Variants in DUS2 observed in about 807,000 individuals in gnomAD.
DUS2 encodes tRNA-dihydrouridine(20) synthase [NAD(P)+]-like.
In DUS2, 52 loss-of-function variants were observed where a neutral mutation model predicts 71.3. The observed-to-expected ratio is 0.73, with a 90% CI of 0.58 to 0.92. DUS2 has a LOEUF of 0.92. Among genes scored for constraint, DUS2 ranks in the 40% least tolerant of loss-of-function variants. The pLI is 0.00. For missense variants in DUS2, 558 were observed against 622.6 expected, an observed-to-expected ratio of 0.90 and a Z score of 1.10; for synonymous variants, 204 against 227.8, an observed-to-expected ratio of 0.90 and a Z score of 0.94.
chr16:68,069,114 C>T (rs565856795), intron 10 of DUS2, among the ~76,000 whole-genome samples: 7 of 152,044 alleles, frequency 4.6e-5, no homozygotes, highest in African/African-American at 1.7e-4. Flanking sequence ...GGGGCCCGGG[C>T]GCGGTGGCTA....
chr16:68,040,039 G>A (rs1008167432), intron 3 of DUS2, among the ~76,000 whole-genome samples: 2 of 152,012 alleles, frequency 1.3e-5, no homozygotes, highest in African/African-American at 4.8e-5. Context: ...GGGGGATTTG[G>A]CGTGATGGGT....
At chr16:68,071,173 C>G in intron 12 of DUS2, 65 bp downstream of exon 12, 1 of 1,565,434 alleles carries the variant, frequency 6.4e-7, no homozygotes, top group East Asian at 2.3e-5. Flanking sequence ...GCAGAGAGCA[C>G]TTTGTGTGAG....
In DUS2 at chr16:68,049,521, A is replaced by G; in HGVS notation, c.143A>G (p.Lys48Arg). The change falls in exon 4 of 17, where the codon AAG becomes AGG. Residue 48 changes from lysine to arginine, a missense_variant. By Grantham distance (26) the Lys-to-Arg change is conservative (BLOSUM62 2). Coordinates refer to ENST00000565263, the MANE Select transcript of DUS2 (RefSeq NM_017803.5). Reference sequence around the variant, plus strand: ...CCTCTGCAGGAGCTGATCGACCTCAAGATGATTCAGTGCAAGAGAGTTGTT... The same window carrying G: ...CCTCTGCAGGAGCTGATCGACCTCAGGATGATTCAGTGCAAGAGAGTTGTT... Reference protein sequence around the residue: ...IVYCEELIDLKMIQCKRVVNE... With the variant: ...IVYCEELIDLRMIQCKRVVNE... 2.5e-6 allele frequency: 4 copies of G among 1,614,216 alleles called. No individual in the cohort carries two copies. Among genetic ancestry groups the G allele is most frequent in the East Asian group, 2.2e-5 (1 of 44,894 alleles).
At chr16:68,064,339 G>T (rs1394810269) in intron 8 of DUS2, among the ~76,000 whole-genome samples, 6 of 152,196 alleles carry the variant, frequency 3.9e-5, no homozygotes, top group African/African-American at 1.4e-4. Context: ...TTTCCCCTCA[G>T]TGTGACCCTT....
intron 14 of DUS2, 28 bp downstream of exon 14, chr16:68,075,532 G>C: frequency 4.4e-6 from 7 of 1,599,766 alleles, no homozygotes; most frequent in Non-Finnish European, 6.0e-6. Context: ...CCTCAGCTTG[G>C]GCTAGGGCCA....
rs1370141747 is a variant in DUS2 at position 68,046,728 on chromosome 16, TA to T, written c.127-2775del. Among the ~76,000 whole-genome samples the T allele has an allele frequency of 2.6e-5, 4 of 152,288 alleles. 1 individual carries two copies. The East Asian group carries it at 7.7e-4, about 29-fold the overall frequency. On this transcript the variant is annotated intron_variant, in intron 3 of 16. Transcript: ENST00000565263. ...CTTTTTATTTCTTTAAGGTCAGAAG[TA>T]ACGTTTTCTCTCTCATTCTGATTTT...
intron 8 of DUS2, among the ~76,000 whole-genome samples, chr16:68,061,928 G>T (rs1196100716): frequency 6.6e-6 from 1 of 152,222 alleles, no homozygotes; most frequent in Non-Finnish European, 1.5e-5. Flanking sequence ...GACATAGGAA[G>T]ACCACTGTGC....
rs1411950843 is a variant in DUS2 at position 68,025,491 on chromosome 16, A to G, written c.-22A>G. The G allele has an allele frequency of 1.3e-5, 2 of 152,242 alleles. No individual in the cohort carries two copies. The highest frequency in any genetic ancestry group is 2.9e-5 in the Non-Finnish European group (2 of 68,042). 9.4% of individuals were successfully genotyped at this position (152,242 alleles called of 1,614,324 possible). On this transcript the variant is annotated 5_prime_UTR_variant, in exon 2 of 17. Transcript: ENST00000565263. ...AATCCTGAAGTATCAGAACAAAATA[A>G]TAGGTATGTATATGCATTTGGGTTT...
chr16:68,035,943 C>T lies in DUS2; in HGVS notation c.-18-2063C>T, dbSNP rs1180454315. Among the ~76,000 whole-genome samples, 12 of 136,314 alleles carry T rather than the reference C, an allele frequency of 8.8e-5. No individual in the cohort carries two copies. In the South Asian group the frequency reaches 1.1e-3, roughly 13 times the overall value. 89.4% of individuals were successfully genotyped at this position (136,314 alleles called of 152,430 possible). A position where few individuals can be genotyped will look rare whatever the true frequency, so the allele number is the denominator to read the frequency against. On this transcript the variant is annotated intron_variant, in intron 2 of 16. Coordinates refer to ENST00000565263, the MANE Select transcript of DUS2 (RefSeq NM_017803.5). Reference sequence around the variant, plus strand: ...ATATATATATATACACACATACATACACATATATATACACACATATGTTAT... The same window carrying T: ...ATATATATATATACACACATACATATACATATATATACACACATATGTTAT...
intron 2 of DUS2, among the ~76,000 whole-genome samples, chr16:68,028,991 G>T (rs2033398816): frequency 6.6e-6 from 1 of 152,134 alleles, no homozygotes; most frequent in Non-Finnish European, 1.5e-5. Flanking sequence ...TAGAGGCCAG[G>T]AGTTGGAGAC....
In DUS2 at chr16:68,058,234, T is replaced by G. The variant is rs535259941; in HGVS notation, c.369+1810T>G. ...ACTTTAGGTATCTTTGGGCTTTTTT[T>G]TTTTTTTGAGATGGAGTCTCACTCT... On this transcript the variant is annotated intron_variant, in intron 7 of 16. Coordinates refer to ENST00000565263, the MANE Select transcript of DUS2 (RefSeq NM_017803.5). Among the ~76,000 whole-genome samples the G allele has an allele frequency of 3.3e-5, 5 of 151,698 alleles. No individual in the cohort carries two copies. The East Asian group carries it at 9.7e-4, about 29-fold the overall frequency.
intron 11 of DUS2, 31 bp from the exon 12 acceptor site, chr16:68,070,909 G>C (rs1343144223): frequency 3.1e-6 from 5 of 1,607,508 alleles, no homozygotes; most frequent in African/African-American, 2.7e-5. Flanking sequence ...TCCGTGATGG[G>C]GACACCCCTA....
intron 8 of DUS2, among the ~76,000 whole-genome samples, chr16:68,061,516 G>A (rs187602375): frequency 6.6e-6 from 1 of 152,134 alleles, no homozygotes; most frequent in Non-Finnish European, 1.5e-5. Flanking sequence ...TCTCCCAGGG[G>A]GCTTGATGAG....
At chr16:68,046,821 A>C (rs181283617) in intron 3 of DUS2, among the ~76,000 whole-genome samples, 33 of 149,462 alleles carry the variant, frequency 2.2e-4, no homozygotes, top group African/African-American at 7.7e-4. Context: ...ATCTTGGCTC[A>C]CTGCAAGCTC....
chr16:68,075,343 C>T lies in DUS2; in HGVS notation c.933-12C>T. ...CTAAAGTGTTTGCTCTGATCTGCTT[C>T]TTCCTCCCTAGTGAGGCCTTTGGCC... is the stretch of plus-strand genomic sequence containing the variant. On this transcript the variant is annotated splice_polypyrimidine_tract_variant and intron_variant, in intron 13 of 16. Transcript: ENST00000565263. The T allele has an allele frequency of 6.3e-7, 1 of 1,594,872 alleles. No homozygotes were observed. The highest frequency in any genetic ancestry group is 8.5e-7 in the Non-Finnish European group (1 of 1,169,846).
intron 3 of DUS2, among the ~76,000 whole-genome samples, chr16:68,049,208 T>C (rs907248738): frequency 2.0e-5 from 3 of 152,156 alleles, no homozygotes; most frequent in African/African-American, 4.8e-5. Context: ...GTGAGGAAAT[T>C]TTCCAAGTGA....
At chr16:68,052,161 C>G (rs895690802) in intron 4 of DUS2, among the ~76,000 whole-genome samples, 9 of 152,122 alleles carry the variant, frequency 5.9e-5, no homozygotes, top group African/African-American at 2.2e-4. Context: ...CCGCCTCGGC[C>G]TCCCAAAGTG....
At chr16:68,053,867 A>G (rs756732617) in intron 5 of DUS2, 1 of 542,892 alleles carries the variant, frequency 1.8e-6, no homozygotes, top group Non-Finnish European at 3.3e-6. Flanking sequence ...TCACAGTCTT[A>G]TATGTCTCTA....
intron 2 of DUS2, among the ~76,000 whole-genome samples, chr16:68,026,474 A>T (rs1435661067): frequency 3.9e-5 from 6 of 152,118 alleles, no homozygotes; most frequent in Admixed American, 6.6e-5. Flanking sequence ...ATTTTCAGTC[A>T]TTATCACTAT....
Sources: allele counts gnomAD v4.1 joint callset (sites outside exome capture counted in the v4.1 genomes callset), GRCh38; gene constraint gnomAD v4.1.1; transcripts MANE v1.5; gene names NCBI Gene and HGNC (gene_info 2026-07-23, HGNC 2026-07-21).